The following SLAIN2 variants were observed in gnomAD, a reference collection of about 807,000 sequenced individuals.
The protein encoded by SLAIN2 is SLAIN family member 2, also known as SLAIN motif-containing protein 2.
Under a neutral mutation model 56.6 loss-of-function variants are expected in SLAIN2, and 31 were observed. That is an observed-to-expected ratio of 0.55 (90% CI 0.41 to 0.74). The LOEUF (loss-of-function observed/expected upper bound fraction) is 0.74. Among genes scored for constraint, SLAIN2 ranks in the 30% least tolerant of loss-of-function variants. The pLI is 0.00. For synonymous variants in SLAIN2, 317 were observed against 284.9 expected (o/e 1.11, Z -1.13); for missense variants, 777 against 754.2 (o/e 1.03, Z -0.35).
intron 6 of SLAIN2, among the ~76,000 whole-genome samples, chr4:48,386,124 A>G (rs1008426865): frequency 4.0e-5 from 6 of 151,396 alleles, no homozygotes; most frequent in East Asian, 3.9e-4. Context: ...CGAAAAAACT[A>G]TATTTGAATC....
At chr4:48,342,879 A>G (rs1403660419) in intron 1 of SLAIN2, among the ~76,000 whole-genome samples, 2 of 152,064 alleles carry the variant, frequency 1.3e-5, no homozygotes, top group Non-Finnish European at 2.9e-5. Context: ...GGGGCAGAGA[A>G]AAAGAGTCCT....
Position 48,410,210 on chromosome 4 carries a change from T to G in SLAIN2, c.1361-9915T>G, listed in dbSNP as rs543652589. Among the ~76,000 whole-genome samples the G allele has an allele frequency of 1.4e-4, 21 of 152,266 alleles. No individual in the cohort carries two copies. In the South Asian group the frequency reaches 4.3e-3, roughly 32 times the overall value. Reference sequence around the variant, plus strand: ...GAGTAATGTTGAGCATCTTTTCATGTGCTTATTGGCCATTTGTATATCTTC... The same window carrying G: ...GAGTAATGTTGAGCATCTTTTCATGGGCTTATTGGCCATTTGTATATCTTC... On this transcript the variant is annotated intron_variant, in intron 6 of 7. Coordinates refer to ENST00000264313, the MANE Select transcript of SLAIN2 (RefSeq NM_020846.2).
intron 1 of SLAIN2, 75 bp downstream of exon 1, chr4:48,342,203 T>C (rs927442865): frequency 6.1e-6 from 8 of 1,321,728 alleles, no homozygotes; most frequent in African/African-American, 1.5e-5. Context: ...AGGGTCCCTC[T>C]GGTCGGGCGC....
chr4:48,384,379 T>C (rs1018133045), intron 6 of SLAIN2, among the ~76,000 whole-genome samples: 3 of 152,182 alleles, frequency 2.0e-5, no homozygotes, highest in Admixed American at 6.5e-5. Context: ...GGTTTTGATT[T>C]GATTTTCTGT....
At chr4:48,412,365 T>TACACAG (rs1716879372) in intron 6 of SLAIN2, among the ~76,000 whole-genome samples, 1 of 112,904 alleles carries the variant, frequency 8.9e-6, no homozygotes, top group African/African-American at 3.3e-5. Context: ...TTTGTATATG[T>TACACAG]ACACACACAC....
At chr4:48,375,839 C>G (rs1577720740) in intron 2 of SLAIN2, among the ~76,000 whole-genome samples, 1 of 152,218 alleles carries the variant, frequency 6.6e-6, no homozygotes, top group African/African-American at 2.4e-5. Context: ...CTTATAAATA[C>G]TGAGTAAAGC....
chr4:48,349,793 A>G (rs1254626341), intron 1 of SLAIN2, among the ~76,000 whole-genome samples: 2 of 152,220 alleles, frequency 1.3e-5, no homozygotes, highest in Non-Finnish European at 2.9e-5. Context: ...TATATCACAG[A>G]TGGATACATT....
chr4:48,379,195 A>C (rs1715905948), intron 3 of SLAIN2, among the ~76,000 whole-genome samples: 1 of 152,124 alleles, frequency 6.6e-6, no homozygotes, highest in African/African-American at 2.4e-5. Flanking sequence ...AACAAGCCTC[A>C]TGGTCTTTGT....
chr4:48,403,936 C>T (rs920798675), intron 6 of SLAIN2, among the ~76,000 whole-genome samples: 3 of 152,120 alleles, frequency 2.0e-5, no homozygotes, highest in East Asian at 1.9e-4. Context: ...TGCAAAGATC[C>T]GTGGGAGAAG....
intron 6 of SLAIN2, among the ~76,000 whole-genome samples, chr4:48,393,386 T>TTGTGTGTGTGTGTGTGTGTGTGTGTGTG (rs57142552): frequency 8.1e-5 from 11 of 135,348 alleles, no homozygotes; most frequent in Non-Finnish European, 9.4e-5. Context: ...CATGTCTGGC[T>TTGTGTGTGTGTGTGTGTGTGTGTGTGTG]TGTGTGTGTG....
chr4:48,373,839 G>A (rs1174303504), intron 2 of SLAIN2, among the ~76,000 whole-genome samples: 6 of 152,150 alleles, frequency 3.9e-5, no homozygotes, highest in East Asian at 1.9e-4. Context: ...TTGGGAGTTC[G>A]AGACCAGCCT....
intron 6 of SLAIN2, among the ~76,000 whole-genome samples, chr4:48,419,142 G>A (rs113712364): frequency 8.2e-4 from 122 of 148,702 alleles, no homozygotes; most frequent in African/African-American, 2.9e-3. Flanking sequence ...TCGCTCTGTT[G>A]CCCAGGCTGG....
chr4:48,399,767 GT>G (rs1227477634), intron 6 of SLAIN2, among the ~76,000 whole-genome samples: 10 of 152,158 alleles, frequency 6.6e-5, no homozygotes, highest in African/African-American at 2.4e-4. Flanking sequence ...TAATCATGTG[GT>G]TTTTGTCTTT....
Position 48,369,842 on chromosome 4 carries a change from C to G in SLAIN2, c.390-7C>G, listed in dbSNP as rs1250284876. 19 of 1,609,166 alleles carry G rather than the reference C, an allele frequency of 1.2e-5. No individual in the cohort carries two copies. The highest frequency in any genetic ancestry group is 1.6e-5 in the Non-Finnish European group (19 of 1,178,178). On this transcript the variant is annotated splice_region_variant and splice_polypyrimidine_tract_variant and intron_variant, in intron 1 of 7. Transcript: ENST00000264313. ...GGAATTTTCTGTTTTTTGTTGTCTT[C>G]TTCTAGGCTGTATTCATCACCAAAG...
In SLAIN2 at chr4:48,424,792, A is replaced by G. The variant is rs1323987410; in HGVS notation, c.*2715A>G. ...AAAAAAAAAAAGTTTTTTTGAAAGAAAATTAGATACATATGTGGCCCCAGA... is the reference window on the plus strand; with the variant it reads ...AAAAAAAAAAAGTTTTTTTGAAAGAGAATTAGATACATATGTGGCCCCAGA... On this transcript the variant is annotated 3_prime_UTR_variant, in exon 8 of 8. Coordinates refer to ENST00000264313, the MANE Select transcript of SLAIN2 (RefSeq NM_020846.2). 1.3e-5 allele frequency: 2 copies of G among 152,128 alleles called. No homozygotes were observed. The highest frequency in any genetic ancestry group is 4.8e-5 in the African/African-American group (2 of 41,462). The allele number at this position is 152,128 out of a possible 1,614,324, so 9.4% of individuals were successfully genotyped here.
Position 48,341,783 on chromosome 4 carries a change from G to C in SLAIN2, c.44G>C (p.Arg15Pro). ...AACGTGAACGCGGACCAGGAGGTGC[G>C]GAAGCTGCAGGAGCTGGTGAAGAAG... ...NSNVNADQEV[R>P]KLQELVKKLE... Residue 15 changes from arginine to proline, a missense_variant, in exon 1 of 8, where the codon CGG (arginine) becomes CCG (proline). Arg to Pro is a moderately radical substitution (Grantham distance 103, BLOSUM62 -2). Coordinates refer to ENST00000264313, the MANE Select transcript of SLAIN2 (RefSeq NM_020846.2). 6.5e-7 allele frequency: 1 copy of C among 1,529,708 alleles called. No individual in the cohort carries two copies. The highest frequency in any genetic ancestry group is 8.8e-7 in the Non-Finnish European group (1 of 1,138,402). The allele number at this position is 1,529,708 out of a possible 1,614,324, so 94.8% of individuals were successfully genotyped here. A position where few individuals can be genotyped will look rare whatever the true frequency, so the allele number is the denominator to read the frequency against.
Position 48,345,556 on chromosome 4 carries a change from T to C in SLAIN2, c.389+3428T>C, listed in dbSNP as rs188917037. Among the ~76,000 whole-genome samples, 15 of 152,266 alleles carry C rather than the reference T, an allele frequency of 9.9e-5. No individual in the cohort carries two copies. The East Asian group carries it at 1.7e-3, about 18-fold the overall frequency. On this transcript the variant is annotated intron_variant, in intron 1 of 7. Transcript: ENST00000264313. ...GTTTTAACTTCTATTATGCTTAATATGAGCCTGAAGTATCAACTTCTCTCC... is the reference window on the plus strand; with the variant it reads ...GTTTTAACTTCTATTATGCTTAATACGAGCCTGAAGTATCAACTTCTCTCC...
intron 6 of SLAIN2, among the ~76,000 whole-genome samples, chr4:48,389,336 C>G (rs1212328552): frequency 1.3e-5 from 2 of 152,164 alleles, no homozygotes; most frequent in Non-Finnish European, 2.9e-5. Context: ...GGAGCACGTT[C>G]AAGTTTGAGA....
chr4:48,400,478 G>A (rs1182122375), intron 6 of SLAIN2, among the ~76,000 whole-genome samples: 1 of 144,256 alleles, frequency 6.9e-6, no homozygotes, highest in East Asian at 2.1e-4. Flanking sequence ...CTCACTGCAA[G>A]CTCCTCTGCT....
Sources: gnomAD v4.1 joint callset for allele counts (sites outside exome capture counted in the v4.1 genomes callset) on GRCh38, gnomAD v4.1.1 for gene constraint, MANE v1.5 for transcripts, NCBI Gene and HGNC (gene_info 2026-07-23, HGNC 2026-07-21) for gene names.